Variants in ORC3 observed in about 807,000 individuals in gnomAD.
ORC3 encodes homolog of latheo, Drosophila.
In ORC3, 78 loss-of-function variants were observed where a neutral mutation model predicts 100.7. The ratio of observed to expected loss-of-function variants is 0.77; its 90% CI spans 0.65 to 0.94. ORC3 has a LOEUF of 0.94. Ranked by LOEUF, ORC3 falls within the 40% of genes least tolerant of loss-of-function variation. ORC3 has a pLI of 0.00. For synonymous variants in ORC3, 295 were observed against 289.3 expected (o/e 1.02, Z -0.20); for missense variants, 789 against 823.9 (o/e 0.96, Z 0.52).
chr6:87,593,149 T>C (rs1777168487), intron 1 of ORC3, among the ~76,000 whole-genome samples: 1 of 152,132 alleles, frequency 6.6e-6, no homozygotes, highest in Non-Finnish European at 1.5e-5. Flanking sequence ...TGTATGACTT[T>C]AGAATTGGTA....
chr6:87,623,832 C>T (rs13196538), intron 11 of ORC3, among the ~76,000 whole-genome samples: 4,810 of 151,916 alleles, frequency 0.032, 101 homozygotes, highest in Middle Eastern at 0.054. Context: ...TGTGGTAAGC[C>T]GAGATTGTAC....
chr6:87,657,898 A>C (rs187300122), intron 15 of ORC3, 23 bp from the exon 16 acceptor site: 2 of 1,314,964 alleles, frequency 1.5e-6, no homozygotes, highest in East Asian at 4.6e-5. Flanking sequence ...ATCACCAGAA[A>C]AGCTATGTTC....
At chr6:87,608,251 C>G (rs1778490807) in intron 6 of ORC3, among the ~76,000 whole-genome samples, 1 of 152,112 alleles carries the variant, frequency 6.6e-6, no homozygotes, top group Non-Finnish European at 1.5e-5. Context: ...CATGTATTTT[C>G]TAAAGTCTAA....
downstream of ORC3, among the ~76,000 whole-genome samples, chr6:87,668,764 C>T (rs910429178): frequency 5.3e-5 from 8 of 152,118 alleles, no homozygotes; most frequent in Non-Finnish European, 7.4e-5. Flanking sequence ...GGGTGGATCA[C>T]GTGAGGTCAG....
chr6:87,653,040 T>C, intron 13 of ORC3, 76 bp from the exon 14 acceptor site: 1 of 1,120,128 alleles, frequency 8.9e-7, no homozygotes, highest in South Asian at 2.0e-5. Flanking sequence ...ACATTTAATA[T>C]GTATATTAAA....
chr6:87,596,947 A>G (rs879896071), intron 2 of ORC3, among the ~76,000 whole-genome samples: 2 of 152,200 alleles, frequency 1.3e-5, no homozygotes, highest in Non-Finnish European at 2.9e-5. Flanking sequence ...AGTATCTTAC[A>G]TAACTATAGT....
At chr6:87,592,948 C>A (rs1777145504) in intron 1 of ORC3, among the ~76,000 whole-genome samples, 1 of 151,900 alleles carries the variant, frequency 6.6e-6, no homozygotes, top group Non-Finnish European at 1.5e-5. Flanking sequence ...AATAAATTAG[C>A]CAGGCATGGT....
At chr6:87,635,687 T>C (rs997877027) in intron 12 of ORC3, among the ~76,000 whole-genome samples, 2 of 151,660 alleles carry the variant, frequency 1.3e-5, no homozygotes, top group South Asian at 4.2e-4. Context: ...GTCCCAGCTA[T>C]GAGGGAGGCT....
chr6:87,669,012 C>T (rs941937538), downstream of ORC3, among the ~76,000 whole-genome samples: 1 of 152,020 alleles, frequency 6.6e-6, no homozygotes, highest in African/African-American at 2.4e-5. Context: ...ACAAAATTAG[C>T]TGGGCGTGGT....
intron 1 of ORC3, among the ~76,000 whole-genome samples, 181 bp downstream of exon 1, chr6:87,590,373 G>A (rs555210025): frequency 2.0e-5 from 3 of 152,322 alleles, no homozygotes; most frequent in Admixed American, 2.0e-4. Flanking sequence ...GGGGAGCGAG[G>A]ACGCGGATCT....
At chr6:87,609,474 G>T in intron 7 of ORC3, 1 of 311,136 alleles carries the variant, frequency 3.2e-6, no homozygotes, top group Admixed American at 4.8e-5. Flanking sequence ...ATTAAATATG[G>T]TTTTTCTCAC....
chr6:87,607,572 AC>A (rs199514868), intron 5 of ORC3, 100 bp from the exon 6 acceptor site: 2 of 745,710 alleles, frequency 2.7e-6, no homozygotes, highest in Non-Finnish European at 3.8e-6. Context: ...AACACATTCT[AC>A]CAAAAAAAAA....
chr6:87,599,818 A>G (rs1777758622), intron 2 of ORC3, among the ~76,000 whole-genome samples: 1 of 152,132 alleles, frequency 6.6e-6, no homozygotes, highest in South Asian at 2.1e-4. Context: ...TCTGCTAAAA[A>G]TATAATTAGC....
At chr6:87,620,106 G>C (rs1310639085) in intron 9 of ORC3, among the ~76,000 whole-genome samples, 1 of 152,146 alleles carries the variant, frequency 6.6e-6, no homozygotes, top group Admixed American at 6.5e-5. Flanking sequence ...GAACAAAATA[G>C]TTAAGTGATA....
chr6:87,621,256 T>C, intron 9 of ORC3, 98 bp from the exon 10 acceptor site: 1 of 786,170 alleles, frequency 1.3e-6, no homozygotes, highest in East Asian at 3.0e-5. Flanking sequence ...ATAAATACTT[T>C]GGCTCTTTAA....
chr6:87,640,502 T>A (rs998644849), intron 13 of ORC3, among the ~76,000 whole-genome samples: 3 of 152,182 alleles, frequency 2.0e-5, no homozygotes, highest in African/African-American at 7.2e-5. Context: ...GAAGACCACA[T>A]CCCTATATGG....
In ORC3 at chr6:87,638,016, A is replaced by G. The variant is rs563450903; in HGVS notation, c.1382+1530A>G. 5.4e-4 allele frequency among the ~76,000 whole-genome samples: 83 copies of G among 152,344 alleles called. 1 individual carries two copies. The highest frequency in any genetic ancestry group is 3.4e-3 in the Middle Eastern group (1 of 294). On this transcript the variant is annotated intron_variant, in intron 13 of 19. Transcript: ENST00000392844. ...AGATCACCTAGCTGCTGAGGGAACC[A>G]GGATTCTACTCCAGGTCTGACTTCA...
intron 13 of ORC3, among the ~76,000 whole-genome samples, chr6:87,638,522 T>A (rs113292719): frequency 6.6e-6 from 1 of 152,344 alleles, no homozygotes; most frequent in Non-Finnish European, 1.5e-5. Context: ...TATTTGAAAT[T>A]TTTTATAAGA....
At chr6:87,634,532 A>G (rs544867873) in intron 11 of ORC3, among the ~76,000 whole-genome samples, 236 of 152,334 alleles carry the variant, frequency 1.5e-3, no homozygotes, top group Non-Finnish European at 2.5e-3. Context: ...GGCACAGGCA[A>G]GCATCCACTA....
Sources: gnomAD v4.1 joint callset for allele counts (sites outside exome capture counted in the v4.1 genomes callset) on GRCh38, gnomAD v4.1.1 for gene constraint, MANE v1.5 for transcripts, NCBI Gene and HGNC (gene_info 2026-07-23, HGNC 2026-07-21) for gene names.